The following COL22A1 variants were observed in gnomAD, a reference collection of about 807,000 sequenced individuals.
The protein encoded by COL22A1 is collagen alpha-1(XXII) chain.
In COL22A1, 221 loss-of-function variants were observed where a neutral mutation model predicts 248.9. The ratio of observed to expected loss-of-function variants is 0.89; its 90% CI spans 0.80 to 0.99. The LOEUF (loss-of-function observed/expected upper bound fraction) is 0.99, where lower values mean the gene tolerates loss of function less well. Among genes scored for constraint, COL22A1 ranks in the 50% least tolerant of loss-of-function variants. COL22A1 has a pLI of 0.00. For synonymous variants in COL22A1, 891 were observed against 793.4 expected, an observed-to-expected ratio of 1.12 and a Z score of -2.07; for missense variants, 2,240 against 2,179.0, an observed-to-expected ratio of 1.03 and a Z score of -0.56.
intron 21 of COL22A1, among the ~76,000 whole-genome samples, chr8:138,752,442 A>C (rs1347160192): frequency 6.6e-6 from 1 of 152,248 alleles, no homozygotes; most frequent in East Asian, 1.9e-4. Flanking sequence ...CTTTCTCTTA[A>C]TAACGCCATG....
intron 22 of COL22A1, 56 bp from the exon 23 acceptor site, chr8:138,737,633 G>T: frequency 1.7e-6 from 2 of 1,193,696 alleles, no homozygotes; most frequent in Non-Finnish European, 2.5e-6. Context: ...AACCAGAGGG[G>T]GTTTAATAAT....
At chr8:138,709,406 A>G (rs1207602636) in intron 30 of COL22A1, among the ~76,000 whole-genome samples, 2 of 152,128 alleles carry the variant, frequency 1.3e-5, no homozygotes, top group African/African-American at 2.4e-5. Flanking sequence ...CATCAATGAT[A>G]GACTGGATTA....
At chr8:138,629,005 C>A (rs919493931) in intron 50 of COL22A1, among the ~76,000 whole-genome samples, 1 of 46,338 alleles carries the variant, frequency 2.2e-5, no homozygotes, top group Non-Finnish European at 3.7e-5. Flanking sequence ...AAGTGTTCCT[C>A]CTGCCTTGGC....
At chr8:138,623,844 C>A (rs374276643) in intron 51 of COL22A1, 59 bp from the exon 52 acceptor site, 4 of 1,500,974 alleles carry the variant, frequency 2.7e-6, no homozygotes, top group South Asian at 1.2e-5. Flanking sequence ...GATGGAAAGA[C>A]GAAGGCAGTT....
At chr8:138,668,938 G>A (rs1824763217) in intron 41 of COL22A1, among the ~76,000 whole-genome samples, 3 of 152,204 alleles carry the variant, frequency 2.0e-5, no homozygotes, top group African/African-American at 7.2e-5. Context: ...GGCTTCACAG[G>A]TAGAGAAGAG....
chr8:138,752,444 A>T (rs1832680490), intron 21 of COL22A1, among the ~76,000 whole-genome samples: 1 of 152,244 alleles, frequency 6.6e-6, no homozygotes, highest in Non-Finnish European at 1.5e-5. Context: ...TTCTCTTAAT[A>T]ACGCCATGTA....
intron 22 of COL22A1, among the ~76,000 whole-genome samples, chr8:138,742,205 G>A (rs901246707): frequency 4.0e-5 from 6 of 149,966 alleles, no homozygotes; most frequent in African/African-American, 7.3e-5. Flanking sequence ...AATAGTGATC[G>A]TGATGGTGAT....
At chr8:138,864,720 A>G (rs1822732024) in intron 3 of COL22A1, among the ~76,000 whole-genome samples, 1 of 152,188 alleles carries the variant, frequency 6.6e-6, no homozygotes, top group Non-Finnish European at 1.5e-5. Context: ...CTCAGCCCAG[A>G]TGAGCAGAGG....
At chr8:138,760,489 T>C (rs915619758) in intron 17 of COL22A1, among the ~76,000 whole-genome samples, 1 of 152,230 alleles carries the variant, frequency 6.6e-6, no homozygotes, top group African/African-American at 2.4e-5. Context: ...CCTATCTCCA[T>C]GCTTTCTCAT....
chr8:138,786,239 C>A (rs552592779), intron 12 of COL22A1, among the ~76,000 whole-genome samples: 2 of 152,250 alleles, frequency 1.3e-5, no homozygotes, highest in African/African-American at 4.8e-5. Context: ...ATGTGGCCAC[C>A]CTTACTGTGT....
chr8:138,800,071 G>A (rs1041408776), intron 11 of COL22A1, among the ~76,000 whole-genome samples: 11 of 152,156 alleles, frequency 7.2e-5, no homozygotes, highest in African/African-American at 1.9e-4. Context: ...TTGTACCCTG[G>A]GCTAAATATC....
intron 11 of COL22A1, 77 bp from the exon 12 acceptor site, chr8:138,796,934 C>G: frequency 2.1e-6 from 2 of 951,878 alleles, no homozygotes; most frequent in Non-Finnish European, 3.5e-6. Context: ...AACATCATCC[C>G]GAGATTTGAA....
chr8:138,852,992 A>G (rs1177040989), intron 3 of COL22A1, among the ~76,000 whole-genome samples: 1 of 148,680 alleles, frequency 6.7e-6, no homozygotes, highest in Middle Eastern at 3.2e-3. Flanking sequence ...CAAAAAAAAA[A>G]AGTATATATA....
intron 49 of COL22A1, 144 bp from the exon 50 acceptor site, chr8:138,630,892 T>G: frequency 2.7e-6 from 2 of 748,024 alleles, no homozygotes; most frequent in Non-Finnish European, 4.7e-6. Context: ...CCCAATATTG[T>G]AGGTGGGCCC....
chr8:138,810,843 T>A (rs2131690943), intron 9 of COL22A1, among the ~76,000 whole-genome samples: 1 of 152,228 alleles, frequency 6.6e-6, no homozygotes, highest in African/African-American at 2.4e-5. Context: ...TCCAGTTAAC[T>A]CCCACCGTCA....
chr8:138,685,622 T>C (rs1458878594), intron 37 of COL22A1, among the ~76,000 whole-genome samples: 2 of 152,108 alleles, frequency 1.3e-5, no homozygotes, highest in Non-Finnish European at 2.9e-5. Flanking sequence ...AGTAGCGTCT[T>C]TTAAAGAAGG....
chr8:138,666,602 C>T (rs958755557), intron 41 of COL22A1, among the ~76,000 whole-genome samples: 1 of 152,044 alleles, frequency 6.6e-6, no homozygotes, highest in African/African-American at 2.4e-5. Context: ...TGCACATGGA[C>T]CACCATACCT....
chr8:138,629,525 A>T (rs1194013170), intron 50 of COL22A1, among the ~76,000 whole-genome samples: 2 of 152,090 alleles, frequency 1.3e-5, no homozygotes, highest in Non-Finnish European at 2.9e-5. Context: ...CCAGATGAGG[A>T]TCCTAAACCA....
At chr8:138,743,676 G>A (rs911286524) in intron 22 of COL22A1, among the ~76,000 whole-genome samples, 3 of 152,128 alleles carry the variant, frequency 2.0e-5, no homozygotes, top group Admixed American at 6.5e-5. Flanking sequence ...TTTTACTAAC[G>A]ATAGGCCTGT....
Sources: allele counts gnomAD v4.1 joint callset (sites outside exome capture counted in the v4.1 genomes callset), GRCh38; gene constraint gnomAD v4.1.1; transcripts MANE v1.5; gene names NCBI Gene and HGNC (gene_info 2026-07-23, HGNC 2026-07-21).